The following CYFIP1 variants were observed in gnomAD, a reference collection of about 807,000 sequenced individuals.
The protein encoded by CYFIP1 is cytoplasmic FMR1 interacting protein 1.
A neutral mutation model predicts 163.5 loss-of-function variants in CYFIP1; 58 were observed. That is an observed-to-expected ratio of 0.35 (90% CI 0.29 to 0.44). The LOEUF (loss-of-function observed/expected upper bound fraction) is 0.44. Among genes scored for constraint, CYFIP1 ranks in the 20% least tolerant of loss-of-function variants. The pLI is 1.00. For missense variants in CYFIP1, 1,338 were observed against 1,653.8 expected (o/e 0.81, Z 3.31); for synonymous variants, 663 against 660.7 (o/e 1.00, Z -0.05).
chr15:22,970,070 TA>T (rs981625315), intron 1 of CYFIP1, among the ~76,000 whole-genome samples: 5 of 152,150 alleles, frequency 3.3e-5, no homozygotes, highest in Admixed American at 6.5e-5. Flanking sequence ...AAGCAACATG[TA>T]AAAATCAGTT....
chr15:22,980,171 G>C (rs2063433213), intron 1 of CYFIP1, 116 bp downstream of exon 1: 1 of 144,692 alleles, frequency 6.9e-6, no homozygotes, highest in Non-Finnish European at 1.5e-5. Context: ...GCCGGGGTTG[G>C]GGGGGAGGGG....
rs759158782 is a variant in CYFIP1, at chr15:22,932,219, G to A, written c.1110+4C>T. 6 of 1,605,550 alleles carry A rather than the reference G, an allele frequency of 3.7e-6. No individual in the cohort carries two copies. The highest frequency in any genetic ancestry group is 2.7e-5 in the African/African-American group (2 of 74,720). On this transcript the variant is annotated splice_donor_region_variant and intron_variant, in intron 11 of 30. Transcript: ENST00000617928. Reference sequence around the variant, plus strand: ...CCTGTGCAGCTCCAGGTCGCGGGGCGCACCTCGCTGTTGCTGTAGCGCGCC... The same window carrying A: ...CCTGTGCAGCTCCAGGTCGCGGGGCACACCTCGCTGTTGCTGTAGCGCGCC...
intron 21 of CYFIP1, 106 bp downstream of exon 21, chr15:22,909,088 G>A: frequency 7.1e-7 from 1 of 1,405,348 alleles, no homozygotes; most frequent in Non-Finnish European, 9.9e-7. Flanking sequence ...TATACAAGAG[G>A]CTTGGTATAG....
intron 8 of CYFIP1, among the ~76,000 whole-genome samples, chr15:22,937,950 T>C (rs1212542333): frequency 1.3e-5 from 2 of 152,106 alleles, no homozygotes; most frequent in Non-Finnish European, 2.9e-5. Flanking sequence ...CATGCTCCAG[T>C]GCTCCGCAGG....
chr15:22,941,405 G>A (rs1429938941), intron 6 of CYFIP1, among the ~76,000 whole-genome samples: 3 of 152,048 alleles, frequency 2.0e-5, no homozygotes, highest in African/African-American at 7.2e-5. Context: ...GTGGCGGGTG[G>A]GGAGACTAAG....
chr15:22,964,353 T>TCACACACACA lies in CYFIP1; in HGVS notation c.-7+15924_-7+15933dup, dbSNP rs71117466. 7.1e-3 allele frequency among the ~76,000 whole-genome samples: 556 copies of TCACACACACA among 78,668 alleles called. 4 individuals are homozygous for TCACACACACA. Among genetic ancestry groups the TCACACACACA allele is most frequent in the Admixed American group, 8.6e-3 (52 of 6,018 alleles). The allele number at this position is 78,668 out of a possible 152,430, so 51.6% of individuals were successfully genotyped here. A position where few individuals can be genotyped will look rare whatever the true frequency, so the allele number is the denominator to read the frequency against. ...CCAGCAGACTCCGCAACCTCATCAC[T>TCACACACACA]CACACACACACACACACACACACAC... is the stretch of plus-strand genomic sequence containing the variant. On this transcript the variant is annotated intron_variant, in intron 1 of 30. Transcript: ENST00000617928.
chr15:22,940,876 C>G (rs1368202878), intron 6 of CYFIP1, among the ~76,000 whole-genome samples: 3 of 152,102 alleles, frequency 2.0e-5, no homozygotes, highest in African/African-American at 7.2e-5. Flanking sequence ...CCCATCTCTA[C>G]TAAAAATATA....
At position 22,918,565 on chromosome 15, in the gene CYFIP1, G is replaced by A. The variant is rs1595599461; in HGVS notation, c.1526+127C>T. ...TACTTTTAGAGGTAATTCACCAAGA[G>A]GGCATCTGAAGGTTGAAGATAAATA... On this transcript the variant is annotated intron_variant, in intron 14 of 30. Transcript: ENST00000617928. The A allele has an allele frequency of 8.5e-6, 7 of 828,066 alleles. No individual in the cohort carries two copies. In the East Asian group the frequency reaches 1.8e-4, roughly 21 times the overall value. The allele number at this position is 828,066 out of a possible 1,614,324, so 51.3% of individuals were successfully genotyped here.
Position 22,909,248 on chromosome 15 carries a change from C to T in CYFIP1, c.2334G>A (p.Lys778=), listed in dbSNP as rs1183453372. The change falls in exon 21 of 31, where the codon AAG becomes AAA. Residue 778 remains lysine (K), a synonymous_variant. Transcript: ENST00000617928. ...ITQRVSAAMY[K]SLELAIGRFE... ...ATCGTCCAATCGCCAGTTCTAGGGA[C>T]TTATACATGGCTGCTGAGACGCGCT... 3 of 1,614,062 alleles carry T rather than the reference C, an allele frequency of 1.9e-6. No individual in the cohort carries two copies. In the African/African-American group the frequency reaches 4.0e-5, roughly 22 times the overall value.
chr15:22,920,020 T>TCAAAA (rs201883081), intron 13 of CYFIP1, among the ~76,000 whole-genome samples: 2,054 of 151,328 alleles, frequency 0.014, 41 homozygotes, highest in African/African-American at 0.048. Flanking sequence ...AGACCCTGTC[T>TCAAAA]CAAAACAAAA....
At chr15:22,967,391 A>G (rs2062948026) in intron 1 of CYFIP1, among the ~76,000 whole-genome samples, 1 of 152,218 alleles carries the variant, frequency 6.6e-6, no homozygotes, top group Non-Finnish European at 1.5e-5. Flanking sequence ...TTCCTGAAGC[A>G]CAGAGTTCCA....
intron 17 of CYFIP1, among the ~76,000 whole-genome samples, chr15:22,913,243 G>A (rs1317467923): frequency 2.0e-5 from 3 of 150,192 alleles, no homozygotes; most frequent in Non-Finnish European, 4.4e-5. Flanking sequence ...AAAGAACAAA[G>A]GTGGACTGGG....
At chr15:22,966,438 G>A (rs955015424) in intron 1 of CYFIP1, among the ~76,000 whole-genome samples, 10 of 151,434 alleles carry the variant, frequency 6.6e-5, no homozygotes, top group South Asian at 2.1e-4. Context: ...ACGCAAGGAC[G>A]CAGGGAGAGG....
In CYFIP1 at chr15:22,867,432, G is replaced by A; in HGVS notation, c.*2596C>T. The A allele has an allele frequency of 5.5e-6, 2 of 366,412 alleles. No homozygotes were observed. The highest frequency in any genetic ancestry group is 4.6e-5 in the Admixed American group (1 of 21,778). The allele number at this position is 366,412 out of a possible 1,614,324, so 22.7% of individuals were successfully genotyped here. A position where few individuals can be genotyped will look rare whatever the true frequency, so the allele number is the denominator to read the frequency against. On this transcript the variant is annotated 3_prime_UTR_variant, in exon 31 of 31. Coordinates refer to ENST00000617928, the MANE Select transcript of CYFIP1 (RefSeq NM_014608.6). ...ATCACCCCAAGGAACGATTTCTCAG[G>A]TTGAGATGATCACCGTGAATCCGGC... is the stretch of plus-strand genomic sequence containing the variant.
At chr15:22,976,710 T>G (rs2063295072) in intron 1 of CYFIP1, among the ~76,000 whole-genome samples, 1 of 152,206 alleles carries the variant, frequency 6.6e-6, no homozygotes, top group Non-Finnish European at 1.5e-5. Flanking sequence ...AAATTAAGCT[T>G]TATCATAGGC....
Position 22,904,088 on chromosome 15 carries a change from A to G in CYFIP1, c.2389-183T>C, listed in dbSNP as rs192823628. 12 of 623,622 alleles carry G rather than the reference A, an allele frequency of 1.9e-5. No homozygotes were observed. In the African/African-American group the frequency reaches 2.0e-4, roughly 10 times the overall value. 38.6% of individuals were successfully genotyped at this position (623,622 alleles called of 1,614,324 possible). On this transcript the variant is annotated intron_variant, in intron 21 of 30. Transcript: ENST00000617928. ...TTCTTGGCACCCCACCTTTTCAGTC[A>G]CCCCCACTGGGTCATGCCTTTCTCC... is the stretch of plus-strand genomic sequence containing the variant.
rs1292733208 is a variant in CYFIP1 at position 22,867,781 on chromosome 15, C to CTCTT, written c.*2243_*2246dup. 6.6e-6 allele frequency: 1 copy of CTCTT among 152,148 alleles called. No homozygotes were observed. 9.4% of individuals were successfully genotyped at this position (152,148 alleles called of 1,614,324 possible). ...ACTTAACATGTTTATAGAATATGGT[C>CTCTT]TCTTTGTACCAAGTACTTTGCTTAA... On this transcript the variant is annotated 3_prime_UTR_variant, in exon 31 of 31. Transcript: ENST00000617928.
rs75803854 is a variant in CYFIP1 at position 22,893,485 on chromosome 15, C to G, written c.2589-508G>C. ...TCCATTTTCATGCAGAAACATCAAA[C>G]TCAGCTAAGCCTTTCAAATTGGAAG... On this transcript the variant is annotated intron_variant, in intron 22 of 30. Transcript: ENST00000617928. Among the ~76,000 whole-genome samples, 871 of 152,298 alleles carry G rather than the reference C, an allele frequency of 5.7e-3. 12 individuals carry two copies. The highest frequency in any genetic ancestry group is 0.019 in the African/African-American group (798 of 41,552).
intron 25 of CYFIP1, among the ~76,000 whole-genome samples, chr15:22,880,889 C>T (rs2059742240): frequency 6.6e-6 from 1 of 152,216 alleles, no homozygotes; most frequent in African/African-American, 2.4e-5. Context: ...TCCCAGCAAG[C>T]TTTCCCTGTA....
Sources: allele counts gnomAD v4.1 joint callset (sites outside exome capture counted in the v4.1 genomes callset), GRCh38; gene constraint gnomAD v4.1.1; transcripts MANE v1.5; gene names NCBI Gene and HGNC (gene_info 2026-07-23, HGNC 2026-07-21).